KLHL32: variants seen among roughly 807,000 people sequenced by gnomAD.
The protein encoded by KLHL32 is kelch-like protein 32.
A neutral mutation model predicts 64.8 loss-of-function variants in KLHL32; 35 were observed. The ratio of observed to expected loss-of-function variants is 0.54; its 90% confidence interval spans 0.41 to 0.72. The LOEUF is 0.72. KLHL32 is among the 30% of genes least tolerant of loss of function. The pLI is 0.00. For missense variants in KLHL32, 589 were observed against 768.5 expected, an observed-to-expected ratio of 0.77 and a Z score of 2.76; for synonymous variants, 259 against 281.0, an observed-to-expected ratio of 0.92 and a Z score of 0.78.
At chr6:97,012,274 A>G (rs1226033977) in intron 3 of KLHL32, among the ~76,000 whole-genome samples, 1 of 152,212 alleles carries the variant, frequency 6.6e-6, no homozygotes, top group Non-Finnish European at 1.5e-5. Flanking sequence ...TGGATTATGT[A>G]GCTGGACCCA....
intron 3 of KLHL32, among the ~76,000 whole-genome samples, chr6:96,985,054 T>A (rs56894957): frequency 6.6e-6 from 1 of 152,202 alleles, no homozygotes; most frequent in African/African-American, 2.4e-5. Context: ...GGAGCTCTTG[T>A]AGGGCAGGCC....
chr6:96,970,314 C>T (rs1774971299), intron 2 of KLHL32, among the ~76,000 whole-genome samples: 1 of 152,290 alleles, frequency 6.6e-6, no homozygotes, highest in Admixed American at 6.5e-5. Flanking sequence ...GCTCAGGCCT[C>T]TGCTGCTCGG....
chr6:96,927,814 T>C (rs1769347295), intron 1 of KLHL32, among the ~76,000 whole-genome samples: 1 of 152,220 alleles, frequency 6.6e-6, no homozygotes, highest in South Asian at 2.1e-4. Context: ...GCTGAGTGCA[T>C]GGAGATACCG....
chr6:97,002,937 C>T (rs954259354), intron 3 of KLHL32, among the ~76,000 whole-genome samples: 1 of 152,056 alleles, frequency 6.6e-6, no homozygotes, highest in South Asian at 2.1e-4. Flanking sequence ...TCTTTGCTAT[C>T]GTAAATAATG....
the KLHL32 span, among the ~76,000 whole-genome samples, chr6:96,910,597 T>C: frequency 6.6e-6 from 1 of 152,236 alleles, no homozygotes; most frequent in Non-Finnish European, 1.5e-5. Flanking sequence ...AAACTGTAAA[T>C]GCTTGTTTCT....
At chr6:97,100,966 C>CTTTTGTTT (rs1795641325) in intron 6 of KLHL32, among the ~76,000 whole-genome samples, 1 of 69,472 alleles carries the variant, frequency 1.4e-5, no homozygotes, top group Non-Finnish European at 2.5e-5. Context: ...TGCAGCCAAG[C>CTTTTGTTT]TTTTTTTTTT....
intron 7 of KLHL32, among the ~76,000 whole-genome samples, chr6:97,114,810 G>C (rs916743687): frequency 6.6e-6 from 1 of 152,126 alleles, no homozygotes; most frequent in African/African-American, 2.4e-5. Flanking sequence ...ATTATTCATG[G>C]ATTGTATTGC....
rs113185176 is a variant in KLHL32, at chr6:97,039,444, A to G, written c.205-2048A>G. Among the ~76,000 whole-genome samples the G allele has an allele frequency of 7.5e-3, 1,138 of 152,254 alleles. 14 individuals carry two copies. Among genetic ancestry groups the G allele is most frequent in the African/African-American group, 0.025 (1,021 of 41,552 alleles). On this transcript the variant is annotated intron_variant, in intron 3 of 10. Coordinates refer to ENST00000369261, the MANE Select transcript of KLHL32 (RefSeq NM_052904.4). The stretch of plus-strand genomic sequence containing the variant: ...GGGATATTGAATAATGAGTGCAAAT[A>G]TACAGTTTAATAGAAGAAATAAGAG...
At chr6:96,981,653 C>T (rs767978728) in intron 3 of KLHL32, among the ~76,000 whole-genome samples, 13 of 152,064 alleles carry the variant, frequency 8.5e-5, no homozygotes, top group African/African-American at 1.4e-4. Flanking sequence ...AGATTGTTAA[C>T]GTGACATCTT....
chr6:97,103,021 TCTA>T (rs1345362850), intron 6 of KLHL32, among the ~76,000 whole-genome samples: 3 of 151,172 alleles, frequency 2.0e-5, no homozygotes, highest in Non-Finnish European at 4.4e-5. Flanking sequence ...TATATTTACC[TCTA>T]CGAGGTAAAT....
chr6:96,932,980 A>G (rs1162293477), intron 1 of KLHL32, among the ~76,000 whole-genome samples: 1 of 152,178 alleles, frequency 6.6e-6, no homozygotes, highest in African/African-American at 2.4e-5. Context: ...TTTAACATCA[A>G]ATATTAATAT....
intron 3 of KLHL32, among the ~76,000 whole-genome samples, chr6:97,005,518 C>G (rs1425037103): frequency 6.6e-6 from 1 of 152,064 alleles, no homozygotes; most frequent in Non-Finnish European, 1.5e-5. Context: ...TTGTCTTCTG[C>G]TAGCTTTGGG....
chr6:97,014,207 A>G (rs1464725662), intron 3 of KLHL32, among the ~76,000 whole-genome samples: 1 of 151,730 alleles, frequency 6.6e-6, no homozygotes, highest in Non-Finnish European at 1.5e-5. Context: ...AGGCAGGAGA[A>G]TGGCGTGAAC....
In KLHL32 at chr6:97,097,979, A is replaced by G. The variant is rs1043929673; in HGVS notation, c.627+12638A>G. The stretch of plus-strand genomic sequence containing the variant: ...TAGAATTCCTGCTTCCAAACACAGC[A>G]TCTTACTCCTTTTACCCTCCTTCTT... On this transcript the variant is annotated intron_variant, in intron 6 of 10. Coordinates refer to ENST00000369261, the MANE Select transcript of KLHL32 (RefSeq NM_052904.4). 5.9e-5 allele frequency among the ~76,000 whole-genome samples: 9 copies of G among 152,344 alleles called. No individual in the cohort carries two copies. The East Asian group carries it at 1.7e-3, about 29-fold the overall frequency.
At chr6:97,005,003 T>C (rs1355380346) in intron 3 of KLHL32, among the ~76,000 whole-genome samples, 1 of 152,108 alleles carries the variant, frequency 6.6e-6, no homozygotes, top group Non-Finnish European at 1.5e-5. Flanking sequence ...CATAGAATGA[T>C]TTAGGGAAGA....
At chr6:96,976,660 G>T (rs1055122391) in intron 3 of KLHL32, among the ~76,000 whole-genome samples, 1 of 152,062 alleles carries the variant, frequency 6.6e-6, no homozygotes, top group East Asian at 1.9e-4. Flanking sequence ...TGCCAATGGC[G>T]CAATCTTGGC....
chr6:96,993,576 A>G lies in KLHL32; in HGVS notation c.204+17399A>G, dbSNP rs189587074. On this transcript the variant is annotated intron_variant, in intron 3 of 10. Coordinates refer to ENST00000369261, the MANE Select transcript of KLHL32 (RefSeq NM_052904.4). ...ATTTTAAGAGGGTGTACAAAAGGGC[A>G]TAGACACAAGTAGGGGAACATTTTG... Among the ~76,000 whole-genome samples the G allele has an allele frequency of 1.3e-3, 205 of 152,330 alleles. 1 individual carries two copies. The highest frequency in any genetic ancestry group is 2.4e-3 in the Admixed American group (36 of 15,292).
chr6:97,106,979 T>C (rs1377795502), intron 6 of KLHL32, among the ~76,000 whole-genome samples: 1 of 152,166 alleles, frequency 6.6e-6, no homozygotes, highest in African/African-American at 2.4e-5. Context: ...AATTTATTTT[T>C]CTAATTTATT....
chr6:97,069,928 A>G (rs910045332), intron 5 of KLHL32, among the ~76,000 whole-genome samples: 1 of 152,060 alleles, frequency 6.6e-6, no homozygotes, highest in African/African-American at 2.4e-5. Flanking sequence ...TATCTCTTCT[A>G]AACAATGTAT....
Sources: gnomAD v4.1 joint callset for allele counts (sites outside exome capture counted in the v4.1 genomes callset) on GRCh38, gnomAD v4.1.1 for gene constraint, MANE v1.5 for transcripts, NCBI Gene and HGNC (gene_info 2026-07-23, HGNC 2026-07-21) for gene names.